Variants in NF1 observed in about 807,000 individuals in gnomAD.
NF1 encodes the protein neurofibromin 1.
In NF1, 122 loss-of-function variants were observed where a neutral mutation model predicts 325.7. The ratio of observed to expected loss-of-function variants is 0.37; its 90% CI spans 0.32 to 0.44. The LOEUF (loss-of-function observed/expected upper bound fraction) is 0.44, where lower values mean the gene tolerates loss of function less well. NF1 is among the 20% of genes least tolerant of loss of function. The probability of loss-of-function intolerance (pLI) is 1.00; values close to 1 mark genes in which losing one functional copy is unlikely to be tolerated. For missense variants in NF1, 2,140 were observed against 3,415.4 expected (o/e 0.63, Z 9.31); for synonymous variants, 1,091 against 1,186.0 (o/e 0.92, Z 1.65).
intron 49 of NF1, 40 bp downstream of exon 49, chr17:31,349,291 T>C (rs777756750): frequency 6.3e-7 from 1 of 1,598,060 alleles, no homozygotes; most frequent in Non-Finnish European, 8.5e-7. Context: ...TTGCTACATC[T>C]ATATATAAGG....
intron 29 of NF1, among the ~76,000 whole-genome samples, chr17:31,246,578 TTA>T (rs1488007451): frequency 6.6e-6 from 1 of 152,160 alleles, no homozygotes; most frequent in Non-Finnish European, 1.5e-5. Context: ...TTCAAGGAGC[TTA>T]CAGTTTAGTA....
At chr17:31,280,226 A>T (rs571296931) in intron 36 of NF1, among the ~76,000 whole-genome samples, 2,603 of 149,704 alleles carry the variant, frequency 0.017, 87 homozygotes, top group African/African-American at 0.061. Flanking sequence ...TTTTTTTTTA[A>T]AAAAGAAAGA....
chr17:31,364,277 C>T (rs1391876512), intron 57 of NF1, among the ~76,000 whole-genome samples: 1 of 152,208 alleles, frequency 6.6e-6, no homozygotes, highest in Non-Finnish European at 1.5e-5. Context: ...CAACATCAAC[C>T]TATACTTAGT....
intron 1 of NF1, among the ~76,000 whole-genome samples, chr17:31,148,978 A>G (rs1172969889): frequency 6.6e-6 from 1 of 151,992 alleles, no homozygotes; most frequent in Non-Finnish European, 1.5e-5. Context: ...TCCTAAAGGC[A>G]ACCACTAATT....
intron 8 of NF1, among the ~76,000 whole-genome samples, chr17:31,194,139 G>C (rs1025266243): frequency 1.3e-5 from 2 of 152,136 alleles, no homozygotes; most frequent in African/African-American, 4.8e-5. Context: ...ATCATCCTAA[G>C]TATCTAACAA....
chr17:31,298,070 G>A (rs373576068), intron 36 of NF1, among the ~76,000 whole-genome samples: 13 of 152,198 alleles, frequency 8.5e-5, no homozygotes, highest in African/African-American at 2.9e-4. Context: ...TTTTGGTGCT[G>A]TATGAATGAC....
chr17:31,222,113 C>T (rs2066934835), intron 15 of NF1, 184 bp downstream of exon 15: 4 of 1,295,132 alleles, frequency 3.1e-6, no homozygotes, highest in South Asian at 2.4e-5. Flanking sequence ...AAAAGTATCA[C>T]AGCAATTTAG....
At chr17:31,356,420 G>A (rs776799097) in intron 51 of NF1, 40 bp from the exon 52 acceptor site, 1 of 1,596,998 alleles carries the variant, frequency 6.3e-7, no homozygotes, top group Admixed American at 1.7e-5. Context: ...TATAGACACT[G>A]TAGTTAATGA....
chr17:31,221,701 T>A (rs2066923535), intron 14 of NF1, 149 bp from the exon 15 acceptor site: 1 of 639,124 alleles, frequency 1.6e-6, no homozygotes, highest in Non-Finnish European at 2.7e-6. Context: ...CACCAGAGTT[T>A]CTCTCTTTTT....
chr17:31,203,475 G>C lies in NF1; in HGVS notation c.1260+1990G>C, dbSNP rs146702408. Among the ~76,000 whole-genome samples, 1,052 of 152,162 alleles carry C rather than the reference G, an allele frequency of 6.9e-3. 17 individuals are homozygous for C. Among genetic ancestry groups the C allele is most frequent in the African/African-American group, 0.024 (985 of 41,502 alleles). ...TAGATAGTGTGGGAAATTGTTTCTC[G>C]TTAGGATATTTTCCCCCTTGGTTTG... On this transcript the variant is annotated intron_variant, in intron 11 of 57. Transcript: ENST00000358273.
At chr17:31,250,484 C>T (rs1392242135) in intron 30 of NF1, 1 of 207,776 alleles carries the variant, frequency 4.8e-6, no homozygotes, top group Non-Finnish European at 9.8e-6. Flanking sequence ...GAGGCTTTGA[C>T]TTTAGCTGGT....
chr17:31,322,185 G>A (rs2069219041), intron 36 of NF1, among the ~76,000 whole-genome samples: 1 of 151,392 alleles, frequency 6.6e-6, no homozygotes, highest in African/African-American at 2.4e-5. Context: ...CAGACTTTAA[G>A]AACTAGGTAT....
chr17:31,292,783 G>A (rs1365646530), intron 36 of NF1, among the ~76,000 whole-genome samples: 1 of 152,196 alleles, frequency 6.6e-6, no homozygotes. Flanking sequence ...TCCTAATGCA[G>A]TAGTCTATAA....
intron 1 of NF1, among the ~76,000 whole-genome samples, chr17:31,111,105 T>A (rs1246901803): frequency 6.6e-6 from 1 of 151,866 alleles, no homozygotes; most frequent in Non-Finnish European, 1.5e-5. Flanking sequence ...TTGACATTAA[T>A]CTGAAATTAA....
chr17:31,171,575 A>C (rs779122345), intron 5 of NF1, among the ~76,000 whole-genome samples: 1 of 152,196 alleles, frequency 6.6e-6, no homozygotes, highest in Non-Finnish European at 1.5e-5. Context: ...AAACTAATTG[A>C]ATGTGTGGAT....
chr17:31,282,890 A>G (rs764427703), intron 36 of NF1, among the ~76,000 whole-genome samples: 4 of 152,332 alleles, frequency 2.6e-5, no homozygotes, highest in Non-Finnish European at 5.9e-5. Context: ...GCAGTGAATG[A>G]GAGTTTGAAT....
chr17:31,181,113 C>G (rs2066123232), intron 5 of NF1, among the ~76,000 whole-genome samples: 1 of 152,148 alleles, frequency 6.6e-6, no homozygotes, highest in Non-Finnish European at 1.5e-5. Flanking sequence ...AAATGGAAAA[C>G]AATTCCATGC....
At position 31,323,168 on chromosome 17, in the gene NF1, G is replaced by A. The variant is rs576209992; in HGVS notation, c.4836-2652G>A. On this transcript the variant is annotated intron_variant, in intron 36 of 57. Transcript: ENST00000358273. ...TCTCAGCACTTTGGGAGGCTGAGGC[G>A]GGAGGATTACTTGAGCCACAGAAAT... Among the ~76,000 whole-genome samples, 7 of 152,194 alleles carry A rather than the reference G, an allele frequency of 4.6e-5. No individual in the cohort carries two copies. In the South Asian group the frequency reaches 8.3e-4, roughly 18 times the overall value.
At chr17:31,214,698 T>G (rs2066790699) in intron 13 of NF1, 113 bp downstream of exon 13, 1 of 924,852 alleles carries the variant, frequency 1.1e-6, no homozygotes, top group South Asian at 1.5e-5. Context: ...TACTGATCCT[T>G]TCTGATCATA....
Sources: allele counts gnomAD v4.1 joint callset (sites outside exome capture counted in the v4.1 genomes callset), GRCh38; gene constraint gnomAD v4.1.1; transcripts MANE v1.5; gene names NCBI Gene and HGNC (gene_info 2026-07-23, HGNC 2026-07-21).